Variants in DHX57 observed in about 807,000 individuals in gnomAD.
DHX57 encodes the protein putative ATP-dependent RNA helicase DHX57.
DHX57 carries 105 observed loss-of-function variants against 156.2 expected under a neutral mutation model. That is an observed-to-expected ratio of 0.67 (90% CI 0.57 to 0.79). The LOEUF is 0.79. DHX57 is among the 30% of genes least tolerant of loss of function. DHX57 has a pLI of 0.00. For missense variants in DHX57, 1,847 were observed against 1,661.9 expected, an observed-to-expected ratio of 1.11 and a Z score of -1.94; for synonymous variants, 704 against 595.6, an observed-to-expected ratio of 1.18 and a Z score of -2.65.
intron 12 of DHX57, among the ~76,000 whole-genome samples, chr2:38,841,012 A>G (rs1021365430): frequency 2.0e-5 from 3 of 152,076 alleles, no homozygotes; most frequent in Non-Finnish European, 4.4e-5. Flanking sequence ...TAGTAGAGAC[A>G]AGGTCTCAAT....
chr2:38,859,232 G>A (rs553569275), intron 5 of DHX57, among the ~76,000 whole-genome samples: 3 of 152,274 alleles, frequency 2.0e-5, no homozygotes, highest in East Asian at 1.9e-4. Context: ...GCTAGAACAC[G>A]GATGAACCTT....
Position 38,862,338 on chromosome 2 carries a change from C to T in DHX57, c.384-5G>A. 6.4e-7 allele frequency: 1 copy of T among 1,556,934 alleles called. No individual in the cohort carries two copies. Among genetic ancestry groups the T allele is most frequent in the Non-Finnish European group, 8.7e-7 (1 of 1,146,940 alleles). ...TCCTCCCCAGAAAGGCCTCTTCTAGCAAAGGCAACATTTTCATATATTAGA... is the reference window on the plus strand; with the variant it reads ...TCCTCCCCAGAAAGGCCTCTTCTAGTAAAGGCAACATTTTCATATATTAGA... On this transcript the variant is annotated splice_region_variant and splice_polypyrimidine_tract_variant and intron_variant, in intron 3 of 23. Coordinates refer to ENST00000457308, the MANE Select transcript of DHX57 (RefSeq NM_198963.3).
intron 6 of DHX57, 143 bp from the exon 7 acceptor site, chr2:38,856,604 A>C: frequency 9.4e-7 from 1 of 1,067,770 alleles, no homozygotes; most frequent in South Asian, 1.7e-5. Flanking sequence ...CCCAGGCTCT[A>C]GCGATCCTCC....
chr2:38,833,864 G>C (rs1232742427), intron 13 of DHX57, among the ~76,000 whole-genome samples: 1 of 151,992 alleles, frequency 6.6e-6, no homozygotes, highest in African/African-American at 2.4e-5. Context: ...AAAGAGATAT[G>C]TCATGAATGC....
chr2:38,810,700 C>T, intron 21 of DHX57: 1 of 736,674 alleles, frequency 1.4e-6, no homozygotes, highest in Non-Finnish European at 2.4e-6. Flanking sequence ...AGGGTTGTGC[C>T]AGAAACCGGT....
At position 38,873,636 on chromosome 2, in the gene DHX57, T is replaced by C. The variant is rs186851759; in HGVS notation, c.-7+2151A>G. On this transcript the variant is annotated intron_variant, in intron 1 of 23. Coordinates refer to ENST00000457308, the MANE Select transcript of DHX57 (RefSeq NM_198963.3). Reference sequence around the variant, plus strand: ...GATTGAAGGTTGAAAAAATGACTTATGTGGGAATGGAGATTTGTTCATCTA... The same window carrying C: ...GATTGAAGGTTGAAAAAATGACTTACGTGGGAATGGAGATTTGTTCATCTA... Among the ~76,000 whole-genome samples, 8 of 152,358 alleles carry C rather than the reference T, an allele frequency of 5.3e-5. No individual in the cohort carries two copies. The East Asian group carries it at 1.2e-3, about 22-fold the overall frequency.
intron 21 of DHX57, among the ~76,000 whole-genome samples, chr2:38,809,216 C>A (rs1433904860): frequency 6.6e-6 from 1 of 152,084 alleles, no homozygotes; most frequent in Non-Finnish European, 1.5e-5. Flanking sequence ...ATTTCCTAGG[C>A]TCAAGTTATC....
At chr2:38,845,904 C>T (rs1330022193) in intron 11 of DHX57, among the ~76,000 whole-genome samples, 3 of 150,560 alleles carry the variant, frequency 2.0e-5, no homozygotes, top group South Asian at 4.2e-4. Context: ...TTTACTCTGC[C>T]GCCCAGGCTG....
At chr2:38,803,142 AT>A in intron 22 of DHX57, 3 of 503,326 alleles carry the variant, frequency 6.0e-6, no homozygotes, top group South Asian at 4.7e-5. Context: ...AAAAGCTTTT[AT>A]TTTTTAAATT....
chr2:38,801,079 C>A (rs1481473154), intron 23 of DHX57, among the ~76,000 whole-genome samples: 4 of 152,032 alleles, frequency 2.6e-5, no homozygotes, highest in Non-Finnish European at 1.5e-5. Flanking sequence ...GCTACTAGAA[C>A]AATTAAAATT....
Position 38,825,981 on chromosome 2 carries a change from T to A in DHX57, c.2880A>T (p.Gln960His). Residue 960 changes from glutamine (Q) to histidine (H), a missense_variant, in exon 16 of 24, where the codon CAA (glutamine) becomes CAT (histidine). Physicochemically the swap from Gln to His is conservative, Grantham distance 24. Transcript: ENST00000457308. ...CAACACGGCCTGCTCGGCCTTTCCT[T>A]TGTAGAGCATTAGCTTGAGATACAA... ...DTFVSQANAL[Q>H]RKGRAGRVAS... The A allele has an allele frequency of 6.2e-7, 1 of 1,614,214 alleles. No individual in the cohort carries two copies.
rs1672907687 is a variant in DHX57, at chr2:38,856,517, T to C, written c.1588-56A>G. The C allele has an allele frequency of 5.8e-6, 9 of 1,541,282 alleles. No individual in the cohort carries two copies. In the South Asian group the frequency reaches 1.0e-4, roughly 17 times the overall value. On this transcript the variant is annotated intron_variant, in intron 6 of 23. Coordinates refer to ENST00000457308, the MANE Select transcript of DHX57 (RefSeq NM_198963.3). ...GGTTACTTTTTCTTTTTTTTTTTTTTTTTTTGAGACAGGGTCTCACTCTGT... is the reference window on the plus strand; with the variant it reads ...GGTTACTTTTTCTTTTTTTTTTTTTCTTTTTGAGACAGGGTCTCACTCTGT...
intron 22 of DHX57, 134 bp downstream of exon 22, chr2:38,806,425 T>C: frequency 1.0e-6 from 1 of 984,370 alleles, no homozygotes. Flanking sequence ...CTGTTTATTC[T>C]TATTCAATCT....
Position 38,802,869 on chromosome 2 carries a change from T to C in DHX57, c.3863A>G (p.Lys1288Arg). The C allele has an allele frequency of 1.2e-6, 2 of 1,614,116 alleles. No homozygotes were observed. Among genetic ancestry groups the C allele is most frequent in the Non-Finnish European group, 1.7e-6 (2 of 1,180,016 alleles). Residue 1288 changes from lysine (K) to arginine (R), a missense_variant, in exon 23 of 24, where the codon AAA becomes AGA. Transcript: ENST00000457308. ...GTCTCGGATGAATACTCGACTAGTTTTTATCTTCTCGTGGTACAACAGGTA... is the reference window on the plus strand; with the variant it reads ...GTCTCGGATGAATACTCGACTAGTTCTTATCTTCTCGTGGTACAACAGGTA... ...SPYLLYHEKI[K>R]TSRVFIRDCS...
At chr2:38,835,652 A>G (rs1396133676) in intron 13 of DHX57, among the ~76,000 whole-genome samples, 1 of 152,222 alleles carries the variant, frequency 6.6e-6, no homozygotes, top group Non-Finnish European at 1.5e-5. Flanking sequence ...CTCTATGGAA[A>G]GGACTGTCAA....
intron 14 of DHX57, among the ~76,000 whole-genome samples, chr2:38,827,774 T>C (rs1671178323): frequency 6.6e-6 from 1 of 152,016 alleles, no homozygotes; most frequent in African/African-American, 2.4e-5. Context: ...TTGTTACTAA[T>C]GCTGCCTTTC....
chr2:38,861,488 A>C lies in DHX57; in HGVS notation c.922T>G (p.Tyr308Asp). 6.2e-7 allele frequency: 1 copy of C among 1,614,090 alleles called. No homozygotes were observed. The highest frequency in any genetic ancestry group is 8.5e-7 in the Non-Finnish European group (1 of 1,180,026). ...QENSLEICKF[Y>D]LKGNCKFGSK... is the part of the protein sequence containing the mutation. The stretch of plus-strand genomic sequence containing the variant: ...CCAAATTTACAATTTCCTTTGAGGT[A>C]AAATTTACAGATTTCAAGTGAATTC... Residue 308 changes from tyrosine to aspartate, a missense_variant, in exon 5 of 24, where the codon TAC (tyrosine) becomes GAC (aspartate). Transcript: ENST00000457308.
rs981302378 is a variant in DHX57 at position 38,826,597 on chromosome 2, A to C, written c.2732T>G (p.Ile911Ser). 5 of 1,614,178 alleles carry C rather than the reference A, an allele frequency of 3.1e-6. No homozygotes were observed. Among genetic ancestry groups the C allele is most frequent in the Non-Finnish European group, 4.2e-6 (5 of 1,180,024 alleles). The change falls in exon 15 of 24, where the codon ATT becomes AGT. Residue 911 changes from isoleucine to serine, a missense_variant. Ile to Ser is a moderately radical substitution (Grantham distance 142). Coordinates refer to ENST00000457308, the MANE Select transcript of DHX57 (RefSeq NM_198963.3). ...GGATGTCTCAGCAATGTTGGTGGAA[A>C]TTATAATCTTAGTTACTCCTGCAGG... is the stretch of plus-strand genomic sequence containing the variant. ...KPPAGVTKII[I>S]STNIAETSIT...
chr2:38,837,264 T>A (rs1478128963), intron 13 of DHX57, among the ~76,000 whole-genome samples: 1 of 152,126 alleles, frequency 6.6e-6, no homozygotes. Flanking sequence ...TAGTTTTACA[T>A]AACAGGATTT....
Sources: gnomAD v4.1 joint callset for allele counts (sites outside exome capture counted in the v4.1 genomes callset) on GRCh38, gnomAD v4.1.1 for gene constraint, MANE v1.5 for transcripts, NCBI Gene and HGNC (gene_info 2026-07-23, HGNC 2026-07-21) for gene names.